The following PDCD6IP variants were observed in gnomAD, a reference collection of about 807,000 sequenced individuals.
PDCD6IP encodes programmed cell death 6-interacting protein.
PDCD6IP carries 43 observed loss-of-function variants against 103.7 expected under a neutral mutation model. That is an observed-to-expected ratio of 0.41 (90% CI 0.32 to 0.53). The LOEUF is 0.53. PDCD6IP is among the 20% of genes least tolerant of loss of function. The pLI, the probability that PDCD6IP is intolerant of heterozygous loss-of-function variation, is 0.16. For synonymous variants in PDCD6IP, 354 were observed against 378.7 expected, an observed-to-expected ratio of 0.93 and a Z score of 0.76; for missense variants, 871 against 1,036.7, an observed-to-expected ratio of 0.84 and a Z score of 2.20.
Position 33,865,269 on chromosome 3 carries a change from G to A in PDCD6IP, c.2271G>A (p.Arg757=). The change falls in exon 17 of 18, where the codon AGG becomes AGA. Residue 757 remains arginine (R), a synonymous_variant. Transcript: ENST00000307296. ...MPPTKPQPPA[R]PPPPVLPANR... ...CTACTAAGCCCCAGCCCCCAGCCAGGCCTCCACCACCTGTGCTTCCAGCAA... is the reference window on the plus strand; with the variant it reads ...CTACTAAGCCCCAGCCCCCAGCCAGACCTCCACCACCTGTGCTTCCAGCAA... The A allele has an allele frequency of 6.4e-7, 1 of 1,571,174 alleles. No individual in the cohort carries two copies. Among genetic ancestry groups the A allele is most frequent in the Non-Finnish European group, 8.6e-7 (1 of 1,162,458 alleles).
chr3:33,836,942 A>G (rs1456378054), intron 8 of PDCD6IP, among the ~76,000 whole-genome samples: 4 of 151,396 alleles, frequency 2.6e-5, no homozygotes, highest in African/African-American at 9.7e-5. Flanking sequence ...TTTTTTTGAG[A>G]CGGAGTATCG....
chr3:33,813,391 T>G (rs1214899028), intron 2 of PDCD6IP, 168 bp from the exon 3 acceptor site: 1 of 496,484 alleles, frequency 2.0e-6, no homozygotes. Flanking sequence ...TTTACTTTTT[T>G]TAGATTTCAA....
Position 33,861,211 on chromosome 3 carries a change from C to T in PDCD6IP, c.2121-2795C>T, listed in dbSNP as rs568105624. On this transcript the variant is annotated intron_variant, in intron 15 of 17. Coordinates refer to ENST00000307296, the MANE Select transcript of PDCD6IP (RefSeq NM_013374.6). ...TCAGGCTGGAGTGCAGTGGCACGAT[C>T]TCGGCTCACTGCAACCTCCGCCTCC... Among the ~76,000 whole-genome samples the T allele has an allele frequency of 8.0e-5, 12 of 150,614 alleles. No homozygotes were observed. The East Asian group carries it at 2.0e-3, about 25-fold the overall frequency.
At chr3:33,850,831 G>A (rs1697697495) in intron 12 of PDCD6IP, among the ~76,000 whole-genome samples, 1 of 151,818 alleles carries the variant, frequency 6.6e-6, no homozygotes, top group African/African-American at 2.4e-5. Context: ...CTAGACTCTA[G>A]GAATCATATT....
Position 33,866,425 on chromosome 3 carries a change from T to C in PDCD6IP, c.2507T>C (p.Val836Ala). The C allele has an allele frequency of 6.2e-7, 1 of 1,611,656 alleles. No individual in the cohort carries two copies. The highest frequency in any genetic ancestry group is 8.5e-7 in the Non-Finnish European group (1 of 1,179,054). ...YGQYNMPYPP[V>A]YHQSPGQAPY... ...CAGTATAATATGCCATATCCACCAG[T>C]GTATCACCAGAGTCCTGGACAGGCT... Residue 836 changes from valine (V) to alanine (A), a missense_variant, in exon 18 of 18, where the codon GTG becomes GCG. Physicochemically the swap from Val to Ala is moderately conservative, Grantham distance 64. Transcript: ENST00000307296.
At chr3:33,816,657 C>T (rs1223520970) in intron 3 of PDCD6IP, among the ~76,000 whole-genome samples, 1 of 152,022 alleles carries the variant, frequency 6.6e-6, no homozygotes, top group East Asian at 1.9e-4. Context: ...AGAGAAGTTT[C>T]TCTTGGAGTA....
chr3:33,855,244 A>G lies in PDCD6IP; in HGVS notation c.2104A>G (p.Arg702Gly), dbSNP rs1321323016. 2.5e-6 allele frequency: 4 copies of G among 1,596,148 alleles called. No homozygotes were observed. The highest frequency in any genetic ancestry group is 3.4e-6 in the Non-Finnish European group (4 of 1,163,812). ...SDIVFARKTE[R>G]DELLKDLQQS... is the part of the protein sequence containing the mutation. ...TATAGTTTTTGCACGGAAGACAGAA[A>G]GAGATGAACTCTTAAAGTAAGTCTG... Residue 702 changes from arginine to glycine, a missense_variant, in exon 15 of 18, where the codon AGA becomes GGA. Physicochemically the swap from Arg to Gly is moderately radical, Grantham distance 125 (BLOSUM62 -2). This residue lies in a region of PDCD6IP where 266 missense variants were observed against 390.5 expected (regional missense o/e 0.68). Transcript: ENST00000307296.
At position 33,867,612 on chromosome 3, in the gene PDCD6IP, G is replaced by A. The variant is rs185221509; in HGVS notation, c.*1087G>A. 2.6e-4 allele frequency: 39 copies of A among 152,180 alleles called. No individual in the cohort carries two copies. Among genetic ancestry groups the A allele is most frequent in the African/African-American group, 9.2e-4 (38 of 41,524 alleles). 9.4% of individuals were successfully genotyped at this position (152,180 alleles called of 1,614,324 possible). A position where few individuals can be genotyped will look rare whatever the true frequency, so the allele number is the denominator to read the frequency against. On this transcript the variant is annotated 3_prime_UTR_variant, in exon 18 of 18. Transcript: ENST00000307296. Reference sequence around the variant, plus strand: ...ATGGTTGGGAACATATGCCAATTATGGAATAGGCTATGTATTTAATATTAA... The same window carrying A: ...ATGGTTGGGAACATATGCCAATTATAGAATAGGCTATGTATTTAATATTAA...
intron 6 of PDCD6IP, chr3:33,827,803 T>C (rs888695313): frequency 2.0e-5 from 3 of 152,190 alleles, no homozygotes; most frequent in African/African-American, 7.2e-5. Context: ...AGAACTGGCA[T>C]GAGTGTAGTT....
At chr3:33,814,693 T>TTA (rs748979599) in intron 3 of PDCD6IP, among the ~76,000 whole-genome samples, 1 of 146,346 alleles carries the variant, frequency 6.8e-6, no homozygotes, top group Non-Finnish European at 1.5e-5. Flanking sequence ...ATAATGTGTA[T>TTA]TATATATATG....
intron 1 of PDCD6IP, among the ~76,000 whole-genome samples, chr3:33,802,944 T>C (rs968321144): frequency 2.6e-5 from 4 of 152,176 alleles, no homozygotes; most frequent in Non-Finnish European, 5.9e-5. Flanking sequence ...TTCAGATCCT[T>C]TTCTGGCTTC....
intron 6 of PDCD6IP, chr3:33,827,040 T>C: frequency 2.0e-6 from 2 of 985,250 alleles, no homozygotes; most frequent in South Asian, 9.4e-5. Flanking sequence ...CATCTGATAC[T>C]TTGATTAGAA....
chr3:33,836,084 A>T lies in PDCD6IP; in HGVS notation c.875A>T (p.Asp292Val). Reference sequence around the variant, plus strand: ...ATTAAAACAGTGGCATCTCGCTATGATGAATATGTTAATGTGAAGGATTTT... The same window carrying T: ...ATTAAAACAGTGGCATCTCGCTATGTTGAATATGTTAATGTGAAGGATTTT... ...ELIKTVASRY[D>V]EYVNVKDFSD... Residue 292 changes from aspartate (D) to valine (V), a missense_variant, in exon 8 of 18, where the codon GAT becomes GTT. Around this residue, in one of 5 missense-constraint regions of PDCD6IP, gnomAD observed 242 missense variants for 250.7 expected, o/e 0.97. Coordinates refer to ENST00000307296, the MANE Select transcript of PDCD6IP (RefSeq NM_013374.6). 6.2e-7 allele frequency: 1 copy of T among 1,612,194 alleles called. No homozygotes were observed. The highest frequency in any genetic ancestry group is 8.5e-7 in the Non-Finnish European group (1 of 1,178,504).
intron 3 of PDCD6IP, among the ~76,000 whole-genome samples, chr3:33,818,643 C>T (rs113651300): frequency 0.022 from 3,346 of 150,680 alleles, 114 homozygotes; most frequent in African/African-American, 0.076. Context: ...GTCAGCTTTC[C>T]GAGTAGCTGG....
At chr3:33,828,298 T>C (rs1436578597) in intron 6 of PDCD6IP, among the ~76,000 whole-genome samples, 1 of 152,196 alleles carries the variant, frequency 6.6e-6, no homozygotes, top group African/African-American at 2.4e-5. Context: ...AAATCATTTT[T>C]ATATGGCTAA....
chr3:33,849,693 G>A (rs1369415541), intron 12 of PDCD6IP, among the ~76,000 whole-genome samples: 2 of 152,288 alleles, frequency 1.3e-5, no homozygotes, highest in East Asian at 3.9e-4. Flanking sequence ...GAATTTATAA[G>A]AAAATTTAGG....
intron 14 of PDCD6IP, among the ~76,000 whole-genome samples, chr3:33,854,445 A>G (rs1487155818): frequency 6.6e-6 from 1 of 152,200 alleles, no homozygotes; most frequent in African/African-American, 2.4e-5. Context: ...AAGTGTCAGA[A>G]GGCTTACTGA....
chr3:33,841,660 G>A (rs375497319), intron 9 of PDCD6IP, among the ~76,000 whole-genome samples: 3 of 151,160 alleles, frequency 2.0e-5, no homozygotes, highest in Admixed American at 6.6e-5. Context: ...GGATGGTCTC[G>A]ATCTCCTGAC....
At chr3:33,841,338 T>C (rs915918145) in intron 9 of PDCD6IP, among the ~76,000 whole-genome samples, 1 of 151,846 alleles carries the variant, frequency 6.6e-6, no homozygotes, top group African/African-American at 2.4e-5. Context: ...ATTTTTTGGC[T>C]TTTAATTCTG....
Sources: gnomAD v4.1 joint callset for allele counts (sites outside exome capture counted in the v4.1 genomes callset) on GRCh38, gnomAD v4.1.1 for gene constraint, gnomAD v4.1.1 regional missense constraint, MANE v1.5 for transcripts, NCBI Gene and HGNC (gene_info 2026-07-23, HGNC 2026-07-21) for gene names.